Variants in KCTD13 observed in about 807,000 individuals in gnomAD.
KCTD13 encodes potassium channel tetramerization domain containing 13.
Under a neutral mutation model 32.3 loss-of-function variants are expected in KCTD13, and 15 were observed. The observed-to-expected ratio is 0.46, with a 90% CI of 0.31 to 0.71. The LOEUF is 0.71. Among genes scored for constraint, KCTD13 ranks in the 30% least tolerant of loss-of-function variants. The probability of loss-of-function intolerance (pLI) is 0.05; values close to 1 mark genes in which losing one functional copy is unlikely to be tolerated. For synonymous variants in KCTD13, 189 were observed against 200.1 expected, an observed-to-expected ratio of 0.94 and a Z score of 0.47; for missense variants, 337 against 452.6, an observed-to-expected ratio of 0.74 and a Z score of 2.32.
intron 2 of KCTD13, among the ~76,000 whole-genome samples, chr16:29,918,195 A>G (rs1246645270): frequency 1.3e-5 from 2 of 152,250 alleles, no homozygotes; most frequent in African/African-American, 2.4e-5. Flanking sequence ...GGTAAGGATT[A>G]TCAATTTGTG....
intron 1 of KCTD13, among the ~76,000 whole-genome samples, chr16:29,924,720 C>CTTTTT (rs1214482858): frequency 7.4e-6 from 1 of 135,972 alleles, no homozygotes; most frequent in Non-Finnish European, 1.6e-5. Flanking sequence ...GAATTCTTCC[C>CTTTTT]TTTTTTTTTT....
intron 5 of KCTD13, among the ~76,000 whole-genome samples, chr16:29,907,604 T>C (rs2150831974): frequency 6.6e-6 from 1 of 151,664 alleles, no homozygotes; most frequent in African/African-American, 2.4e-5. Flanking sequence ...CTGGGCAACA[T>C]GGTGTAACCC....
Position 29,923,346 on chromosome 16 carries a change from A to T in KCTD13, c.258T>A (p.Ile86=), listed in dbSNP as rs1355235322. The change falls in exon 2 of 6, where the codon ATT becomes ATA. Residue 86 remains isoleucine, a synonymous_variant. Coordinates refer to ENST00000568000, the MANE Select transcript of KCTD13 (RefSeq NM_178863.5). The part of the protein sequence containing the change: ...VLTDAGGWVL[I]DRSGRHFGTI... The stretch of plus-strand genomic sequence containing the variant: ...TACCAAAGTGACGGCCGCTCCGGTC[A>T]ATCAGCACCCAACCTAGTGGGGTGG... The T allele has an allele frequency of 6.2e-7, 1 of 1,614,024 alleles. No individual in the cohort carries two copies. Among genetic ancestry groups the T allele is most frequent in the South Asian group, 1.1e-5 (1 of 91,080 alleles).
chr16:29,925,735 G>T, intron 1 of KCTD13, 55 bp downstream of exon 1: 2 of 1,563,312 alleles, frequency 1.3e-6, no homozygotes, highest in East Asian at 4.6e-5. Context: ...GAGAGACTGC[G>T]GGGAACGGGA....
chr16:29,923,749 G>T (rs1001495163), intron 1 of KCTD13, among the ~76,000 whole-genome samples: 3 of 152,094 alleles, frequency 2.0e-5, no homozygotes, highest in Middle Eastern at 3.4e-3. Flanking sequence ...CTACTCGGGG[G>T]GGGGCGAGGC....
At chr16:29,921,370 T>C (rs9936474) in intron 2 of KCTD13, 63,914 of 151,898 alleles carry the variant, frequency 0.42, 14,986 homozygotes, top group Non-Finnish European at 0.53. Flanking sequence ...AGGAGTGTGC[T>C]GAGCTGCGTG....
chr16:29,912,108 T>A, intron 2 of KCTD13, 59 bp from the exon 3 acceptor site: 1 of 1,200,810 alleles, frequency 8.3e-7, no homozygotes, highest in Non-Finnish European at 1.2e-6. Context: ...CTCCCCCACT[T>A]AAAAGCCTTC....
chr16:29,924,386 G>GT (rs761633553), intron 1 of KCTD13, among the ~76,000 whole-genome samples: 1 of 152,114 alleles, frequency 6.6e-6, no homozygotes, highest in Non-Finnish European at 1.5e-5. Flanking sequence ...CCATGAGAAA[G>GT]TTCTTGCAGA....
chr16:29,917,880 G>A (rs1330265755), intron 2 of KCTD13, among the ~76,000 whole-genome samples: 1 of 151,950 alleles, frequency 6.6e-6, no homozygotes, highest in Non-Finnish European at 1.5e-5. Flanking sequence ...CCTGGGAGGT[G>A]GAGGTTGCAG....
At chr16:29,924,034 C>A (rs968587095) in intron 1 of KCTD13, among the ~76,000 whole-genome samples, 1 of 151,074 alleles carries the variant, frequency 6.6e-6, no homozygotes, top group Non-Finnish European at 1.5e-5. Context: ...ATTAGCCGGG[C>A]ATGGTGGCGC....
rs149200594 is a variant in KCTD13, at chr16:29,924,310, G to C, written c.245-951C>G. 4.1e-4 allele frequency among the ~76,000 whole-genome samples: 63 copies of C among 152,294 alleles called. 1 individual carries two copies. In the East Asian group the frequency reaches 0.011, roughly 26 times the overall value. On this transcript the variant is annotated intron_variant, in intron 1 of 5. Transcript: ENST00000568000. ...ACATCTCCAGCGAGTTCTCCCTTAA[G>C]TTTTTATACATATTCAACCAGATAA...
intron 2 of KCTD13, chr16:29,914,435 CTTTTT>C (rs765793348): frequency 1.5e-5 from 2 of 135,102 alleles, no homozygotes; most frequent in Admixed American, 7.5e-5. Context: ...AAGTGCATTT[CTTTTT>C]TTTTTTTTTT....
chr16:29,911,823 G>A lies in KCTD13; in HGVS notation c.549C>T (p.Ser183=), dbSNP rs373269749. 6.2e-7 allele frequency: 1 copy of A among 1,612,694 alleles called. No homozygotes were observed. The highest frequency in any genetic ancestry group is 8.5e-7 in the Non-Finnish European group (1 of 1,179,684). ...CGCACCCCGGCGGTCACCTGGTGTA[G>A]GAGTACTTGTTGTTACTGCGGTTGT... is the stretch of plus-strand genomic sequence containing the variant. ...LLHNRSNNKY[S]YTSTSDDNLL... The change falls in exon 4 of 6, where the codon TCC becomes TCT. Residue 183 remains serine (S), a synonymous_variant. Coordinates refer to ENST00000568000, the MANE Select transcript of KCTD13 (RefSeq NM_178863.5).
intron 2 of KCTD13, chr16:29,919,407 T>C (rs2068868471): frequency 6.6e-6 from 1 of 152,242 alleles, no homozygotes; most frequent in South Asian, 2.1e-4. Context: ...TACCTATCAA[T>C]GATAATCCTT....
At chr16:29,922,205 T>C (rs2150844944) in intron 2 of KCTD13, 1 of 152,190 alleles carries the variant, frequency 6.6e-6, no homozygotes, top group African/African-American at 2.4e-5. Flanking sequence ...TGGCAGGCAA[T>C]CAAAAAGTTT....
At chr16:29,912,077 A>G in intron 2 of KCTD13, 28 bp from the exon 3 acceptor site, 1 of 1,518,642 alleles carries the variant, frequency 6.6e-7, no homozygotes, top group Non-Finnish European at 9.0e-7. Context: ...GGTGGTTAAC[A>G]GCACAACCAA....
chr16:29,906,945 C>A lies in KCTD13; in HGVS notation c.917G>T (p.Arg306Leu). 1.9e-6 allele frequency: 3 copies of A among 1,614,096 alleles called. No homozygotes were observed. The highest frequency in any genetic ancestry group is 2.2e-5 in the East Asian group (1 of 44,866). The change falls in exon 6 of 6, where the codon CGC becomes CTC. Residue 306 changes from arginine to leucine, a missense_variant. Arg to Leu is a moderately radical substitution (Grantham distance 102). This residue lies in a region of KCTD13 where 252 missense variants were observed against 340.2 expected (regional missense o/e 0.74). Transcript: ENST00000568000. ...GATATGGCGCCGGACATGGATCCTG[C>A]GGACACGGTGCTCTCGGTTCTCTTC... ...EDEENREHRVRRIHVRRHITH... is the reference protein window; with the variant it reads ...EDEENREHRVLRIHVRRHITH...
chr16:29,921,216 G>A (rs1030187047), intron 2 of KCTD13: 5 of 152,092 alleles, frequency 3.3e-5, no homozygotes, highest in Non-Finnish European at 5.9e-5. Flanking sequence ...TTAGCTTTTC[G>A]AGCATATGTA....
rs748261049 is a variant in KCTD13 at position 29,911,949 on chromosome 16, G to C, written c.504+11C>G. 6.2e-7 allele frequency: 1 copy of C among 1,610,290 alleles called. No homozygotes were observed. The highest frequency in any genetic ancestry group is 1.7e-5 in the Admixed American group (1 of 58,818). Reference sequence around the variant, plus strand: ...AGTGAGCCTCCACCCTGCAGGGCTTGGGGGCCTCACCTTGGAGGTGCTGGC... The same window carrying C: ...AGTGAGCCTCCACCCTGCAGGGCTTCGGGGCCTCACCTTGGAGGTGCTGGC... On this transcript the variant is annotated intron_variant, in intron 3 of 5. Coordinates refer to ENST00000568000, the MANE Select transcript of KCTD13 (RefSeq NM_178863.5).
Sources: allele counts gnomAD v4.1 joint callset (sites outside exome capture counted in the v4.1 genomes callset), GRCh38; gene constraint gnomAD v4.1.1; regional missense constraint gnomAD v4.1.1; transcripts MANE v1.5; gene names NCBI Gene and HGNC (gene_info 2026-07-23, HGNC 2026-07-21).